PRPH2: variants seen among roughly 807,000 people sequenced by gnomAD.
PRPH2 encodes peripherin-2.
A neutral mutation model predicts 31.3 loss-of-function variants in PRPH2; 17 were observed. The ratio of observed to expected loss-of-function variants is 0.54; its 90% confidence interval spans 0.37 to 0.81. The LOEUF (loss-of-function observed/expected upper bound fraction) is 0.81, where lower values mean the gene tolerates loss of function less well. Ranked by LOEUF, PRPH2 falls within the 40% of genes least tolerant of loss-of-function variation. The pLI is 0.00. For missense variants in PRPH2, 430 were observed against 439.7 expected, an observed-to-expected ratio of 0.98 and a Z score of 0.20; for synonymous variants, 165 against 184.4, an observed-to-expected ratio of 0.89 and a Z score of 0.85.
At position 42,722,105 on chromosome 6, in the gene PRPH2, A is replaced by T; in HGVS notation, c.230T>A (p.Leu77Gln). The T allele has an allele frequency of 6.2e-7, 1 of 1,614,222 alleles. No individual in the cohort carries two copies. Among genetic ancestry groups the T allele is most frequent in the Non-Finnish European group, 8.5e-7 (1 of 1,180,036 alleles). The change falls in exon 1 of 3, where the codon CTG (leucine) becomes CAG (glutamine). Residue 77 changes from leucine to glutamine, a missense_variant. Transcript: ENST00000230381. The surrounding 1 kb of genome is among the most constrained non-coding windows in gnomAD (Gnocchi z 4.4). ...MGVLSCVFNS[L>Q]AGKICYDALD... is the part of the protein sequence containing the mutation. Reference sequence around the variant, plus strand: ...GGCGTCGTAGCAGATCTTCCCAGCCAGCGAGTTGAAGACACAGGATAGCAC... The same window carrying T: ...GGCGTCGTAGCAGATCTTCCCAGCCTGCGAGTTGAAGACACAGGATAGCAC...
chr6:42,713,686 C>T (rs1209924898), intron 1 of PRPH2, among the ~76,000 whole-genome samples: 2 of 151,610 alleles, frequency 1.3e-5, no homozygotes, highest in Non-Finnish European at 2.9e-5. Flanking sequence ...TCTGGGAGGC[C>T]GAGGCAGGAA....
intron 1 of PRPH2, among the ~76,000 whole-genome samples, chr6:42,715,841 G>A (rs1052685762): frequency 2.6e-5 from 4 of 152,144 alleles, no homozygotes; most frequent in African/African-American, 9.7e-5. Flanking sequence ...TGCTTACTGA[G>A]GCAATGCACT....
chr6:42,706,335 G>A (rs547405579), intron 1 of PRPH2, among the ~76,000 whole-genome samples: 116 of 152,048 alleles, frequency 7.6e-4, no homozygotes, highest in African/African-American at 2.6e-3. Flanking sequence ...AACCCAGGGG[G>A]CGGAGCTTGC....
chr6:42,719,159 T>A (rs902439531), intron 1 of PRPH2, among the ~76,000 whole-genome samples: 9 of 141,656 alleles, frequency 6.4e-5, no homozygotes, highest in Non-Finnish European at 7.6e-5. Flanking sequence ...TTTCATTCAG[T>A]GGACTTCCTT....
In PRPH2 at chr6:42,697,945, G is replaced by C; in HGVS notation, c.*350C>G. ...TAAAAGGGGAGCAGCCCTCAGATACGGCCAGTGGCCATAGGGTGGGACTAA... is the reference window on the plus strand; with the variant it reads ...TAAAAGGGGAGCAGCCCTCAGATACCGCCAGTGGCCATAGGGTGGGACTAA... On this transcript the variant is annotated 3_prime_UTR_variant, in exon 3 of 3. Transcript: ENST00000230381. 3.4e-6 allele frequency: 1 copy of C among 292,168 alleles called. No individual in the cohort carries two copies. Among genetic ancestry groups the C allele is most frequent in the Non-Finnish European group, 6.5e-6 (1 of 153,980 alleles). 18.1% of individuals were successfully genotyped at this position (292,168 alleles called of 1,614,324 possible).
intron 1 of PRPH2, among the ~76,000 whole-genome samples, chr6:42,710,307 G>A (rs12111487): frequency 0.23 from 35,383 of 152,114 alleles, 4,194 homozygotes; most frequent in Middle Eastern, 0.28. Flanking sequence ...ACAGGGCTGC[G>A]TCTCCCTCAT....
rs2152003337 is a variant in PRPH2 at position 42,696,736 on chromosome 6, A to G, written c.*1559T>C. ...AAGAGCTCAGGGACCTTTGCCAAAG[A>G]TGGCTGGCTCAGCATTTTTTCAGTA... On this transcript the variant is annotated 3_prime_UTR_variant, in exon 3 of 3. Transcript: ENST00000230381. The G allele has an allele frequency of 6.6e-6, 1 of 152,266 alleles. No homozygotes were observed. The highest frequency in any genetic ancestry group is 1.9e-4 in the East Asian group (1 of 5,180). 9.4% of individuals were successfully genotyped at this position (152,266 alleles called of 1,614,324 possible).
At chr6:42,706,316 A>G (rs1399068282) in intron 1 of PRPH2, among the ~76,000 whole-genome samples, 1 of 152,014 alleles carries the variant, frequency 6.6e-6, no homozygotes, top group Non-Finnish European at 1.5e-5. Context: ...GAGGCAGGAG[A>G]ATGGCGTGAA....
intron 1 of PRPH2, among the ~76,000 whole-genome samples, chr6:42,715,752 T>C (rs756781512): frequency 1.3e-5 from 2 of 152,194 alleles, no homozygotes; most frequent in Non-Finnish European, 2.9e-5. Context: ...TCTTATTCAT[T>C]AGATCAGGAA....
rs1799991595 is a variant in PRPH2 at position 42,698,608 on chromosome 6, A to G, written c.829-101T>C. The G allele has an allele frequency of 2.0e-6, 3 of 1,523,038 alleles. No individual in the cohort carries two copies. In the African/African-American group the frequency reaches 4.1e-5, roughly 21 times the overall value. The allele number at this position is 1,523,038 out of a possible 1,614,324, so 94.3% of individuals were successfully genotyped here. On this transcript the variant is annotated intron_variant, in intron 2 of 2. Coordinates refer to ENST00000230381, the MANE Select transcript of PRPH2 (RefSeq NM_000322.5). The stretch of plus-strand genomic sequence containing the variant: ...CCTCAAATTGAGGGTCCCAGAGAGG[A>G]CTCAACCTGAGCACTGTGGAGTGTG...
rs922738484 is a variant in PRPH2 at position 42,696,691 on chromosome 6, C to T, written c.*1604G>A. ...AGAGCAGCACTTTCACCGTGGTTCT[C>T]AGCACTCTTGAGAGATAGCAAGAGC... On this transcript the variant is annotated 3_prime_UTR_variant, in exon 3 of 3. Coordinates refer to ENST00000230381, the MANE Select transcript of PRPH2 (RefSeq NM_000322.5). 6.6e-6 allele frequency: 1 copy of T among 152,186 alleles called. No individual in the cohort carries two copies. The highest frequency in any genetic ancestry group is 1.5e-5 in the Non-Finnish European group (1 of 68,048). 9.4% of individuals were successfully genotyped at this position (152,186 alleles called of 1,614,324 possible).
intron 1 of PRPH2, among the ~76,000 whole-genome samples, chr6:42,710,648 A>T (rs1055594677): frequency 7.2e-5 from 11 of 152,130 alleles, no homozygotes; most frequent in Non-Finnish European, 1.6e-4. Context: ...GGGGCGGTGG[A>T]GGAGGAGTCA....
At chr6:42,707,910 G>T (rs902176617) in intron 1 of PRPH2, among the ~76,000 whole-genome samples, 45 of 152,124 alleles carry the variant, frequency 3.0e-4, no homozygotes, top group African/African-American at 1.0e-3. Flanking sequence ...CTCCTGGCTC[G>T]CCCACATGCC....
At chr6:42,711,864 C>A in intron 1 of PRPH2, 1 of 985,420 alleles carries the variant, frequency 1.0e-6, no homozygotes, top group Non-Finnish European at 1.2e-6. Context: ...CTGGTAGTTC[C>A]TGGTTCCAAA....
intron 1 of PRPH2, among the ~76,000 whole-genome samples, chr6:42,712,354 A>T (rs1268484042): frequency 6.6e-6 from 1 of 152,236 alleles, no homozygotes; most frequent in Non-Finnish European, 1.5e-5. Context: ...GTATTGATTG[A>T]TATTGCCATT....
In PRPH2 at chr6:42,698,472, C is replaced by A; in HGVS notation, c.864G>T (p.Thr288=). The change falls in exon 3 of 3, where the codon ACG becomes ACT. Residue 288 remains threonine (T), a synonymous_variant. Transcript: ENST00000230381. The part of the protein sequence containing the change: ...TITIGLRYLQ[T]SLDGVSNPEE... ...CGGGGTTGGACACACCATCCAGCGACGTCTGTAGGTAGCGCAGCCCAATTG... is the reference window on the plus strand; with the variant it reads ...CGGGGTTGGACACACCATCCAGCGAAGTCTGTAGGTAGCGCAGCCCAATTG... The A allele has an allele frequency of 6.2e-7, 1 of 1,614,170 alleles. No individual in the cohort carries two copies. The highest frequency in any genetic ancestry group is 8.5e-7 in the Non-Finnish European group (1 of 1,180,036).
At chr6:42,713,517 T>C (rs6458302) in intron 1 of PRPH2, among the ~76,000 whole-genome samples, 84,445 of 151,894 alleles carry the variant, frequency 0.56, 23,423 homozygotes, top group Middle Eastern at 0.63. Context: ...ATCTGAGACG[T>C]TGGCACAGAA....
At chr6:42,703,150 T>C (rs1046456482) in intron 2 of PRPH2, among the ~76,000 whole-genome samples, 4 of 152,052 alleles carry the variant, frequency 2.6e-5, no homozygotes, top group Non-Finnish European at 5.9e-5. Context: ...GCTACGATCA[T>C]GCCCCTGCAC....
At chr6:42,701,772 T>C (rs78458404) in intron 2 of PRPH2, among the ~76,000 whole-genome samples, 1 of 147,130 alleles carries the variant, frequency 6.8e-6, no homozygotes, top group East Asian at 2.1e-4. Flanking sequence ...TCAATGCTAG[T>C]GAACTTTTAT....
Sources: allele counts gnomAD v4.1 joint callset (sites outside exome capture counted in the v4.1 genomes callset), GRCh38; gene constraint gnomAD v4.1.1; non-coding constraint Gnocchi (gnomAD v3.1); transcripts MANE v1.5; gene names NCBI Gene and HGNC (gene_info 2026-07-23, HGNC 2026-07-21).